ZNF280C: variants seen among roughly 807,000 people sequenced by gnomAD.
The protein encoded by ZNF280C is suppressor of hairy wing homolog 3.
Under a neutral mutation model 53.6 loss-of-function variants are expected in ZNF280C, and 14 were observed. The ratio of observed to expected loss-of-function variants is 0.26; its 90% confidence interval spans 0.17 to 0.41. ZNF280C has a LOEUF of 0.41. Ranked by LOEUF, ZNF280C falls within the 10% of genes least tolerant of loss-of-function variation. ZNF280C has a pLI of 1.00. For missense variants in ZNF280C, 416 were observed against 547.1 expected (o/e 0.76, Z 2.39); for synonymous variants, 203 against 181.1 (o/e 1.12, Z -0.97).
intron 2 of ZNF280C, among the ~76,000 whole-genome samples, chrX:130,258,423 C>A (rs1368734551): frequency 8.9e-6 from 1 of 111,774 alleles, no homozygotes; most frequent in East Asian, 2.8e-4. Flanking sequence ...AACCTCTTAA[C>A]AAATTGGTTC....
At chrX:130,209,990 G>A (rs1014985269) in intron 15 of ZNF280C, among the ~76,000 whole-genome samples, 4 of 111,104 alleles carry the variant, frequency 3.6e-5, no homozygotes, top group Non-Finnish European at 7.5e-5. Flanking sequence ...TGAGATTAGT[G>A]CACTTATAAA....
At chrX:130,264,047 G>GA (rs1377515304) in intron 1 of ZNF280C, among the ~76,000 whole-genome samples, 183 of 94,790 alleles carry the variant, frequency 1.9e-3, no homozygotes, top group African/African-American at 6.4e-3. Context: ...AAAAAGAAAA[G>GA]AAAGAAAGAA....
chrX:130,253,641 A>G (rs1354791687), intron 2 of ZNF280C, among the ~76,000 whole-genome samples: 1 of 112,105 alleles, frequency 8.9e-6, no homozygotes, highest in Admixed American at 9.5e-5. Context: ...GACAAAGCTG[A>G]CAAAAACACA....
chrX:130,214,905 C>G (rs751236009), intron 15 of ZNF280C, among the ~76,000 whole-genome samples: 21 of 111,418 alleles, frequency 1.9e-4, no homozygotes, highest in African/African-American at 6.8e-4. Flanking sequence ...TAAAAAATAA[C>G]CACTTTTTGA....
intron 3 of ZNF280C, among the ~76,000 whole-genome samples, chrX:130,244,886 C>T (rs184021431): frequency 4.1e-4 from 45 of 109,854 alleles, no homozygotes; most frequent in African/African-American, 1.5e-3. Context: ...CATAGAAATG[C>T]AGTACTCTAT....
chrX:130,242,725 A>G (rs1219556510), intron 5 of ZNF280C, among the ~76,000 whole-genome samples: 1 of 111,734 alleles, frequency 8.9e-6, no homozygotes, highest in Non-Finnish European at 1.9e-5. Flanking sequence ...TATTTTTAGT[A>G]GAGACGGGGT....
intron 1 of ZNF280C, 147 bp downstream of exon 1, chrX:130,268,615 C>G (rs911725066): frequency 2.7e-5 from 3 of 112,128 alleles, no homozygotes; most frequent in African/African-American, 9.7e-5. Flanking sequence ...AGCCTGTCCC[C>G]TCCCCCGCAC....
chrX:130,265,623 G>A (rs765471651), intron 1 of ZNF280C, among the ~76,000 whole-genome samples: 5 of 111,874 alleles, frequency 4.5e-5, no homozygotes, highest in Non-Finnish European at 9.4e-5. Flanking sequence ...TGGACATAGG[G>A]GCTGACAACC....
intron 2 of ZNF280C, among the ~76,000 whole-genome samples, chrX:130,257,282 A>C (rs2032585630): frequency 9.1e-6 from 1 of 110,322 alleles, no homozygotes; most frequent in African/African-American, 3.3e-5. Context: ...TAAAATGAAA[A>C]TTTTAATTGG....
intron 8 of ZNF280C, among the ~76,000 whole-genome samples, chrX:130,235,938 G>A (rs590390): frequency 0.48 from 53,509 of 110,637 alleles, 9,844 homozygotes; most frequent in African/African-American, 0.67. Flanking sequence ...GAGTGACAAC[G>A]TCCATTTGTC....
Position 130,253,902 on chromosome X carries a change from T to C in ZNF280C, c.31+6517A>G, listed in dbSNP as rs1431224553. Reference sequence around the variant, plus strand: ...AAGGCAATTACAACAAGAGCCAAAATTGACAAATGGGCTCTAATTAAATGA... The same window carrying C: ...AAGGCAATTACAACAAGAGCCAAAACTGACAAATGGGCTCTAATTAAATGA... On this transcript the variant is annotated intron_variant, in intron 2 of 18. Transcript: ENST00000370978. 3.6e-5 allele frequency among the ~76,000 whole-genome samples: 4 copies of C among 111,789 alleles called. No homozygotes were observed. The East Asian group carries it at 1.1e-3, about 31-fold the overall frequency.
chrX:130,242,160 T>C (rs1381678148), intron 5 of ZNF280C, among the ~76,000 whole-genome samples: 1 of 110,186 alleles, frequency 9.1e-6, no homozygotes, highest in Non-Finnish European at 1.9e-5. Context: ...GGAGAATCTC[T>C]TGAACTTGGG....
chrX:130,233,953 C>T (rs566289702), intron 8 of ZNF280C, among the ~76,000 whole-genome samples: 2 of 109,817 alleles, frequency 1.8e-5, no homozygotes, highest in South Asian at 7.7e-4. Flanking sequence ...GAAAAACTTT[C>T]CTAAAATCAC....
chrX:130,238,780 T>A (rs902982698), intron 6 of ZNF280C, among the ~76,000 whole-genome samples: 1 of 111,861 alleles, frequency 8.9e-6, no homozygotes, highest in African/African-American at 3.2e-5. Flanking sequence ...TTGGCATTCA[T>A]ATGACTATAA....
In ZNF280C at chrX:130,202,744, G is replaced by C. The variant is rs1466482224; in HGVS notation, c.*2233C>G. 9.1e-6 allele frequency: 1 copy of C among 109,865 alleles called. No individual in the cohort carries two copies. The highest frequency in any genetic ancestry group is 1.9e-5 in the Non-Finnish European group (1 of 52,788). The allele number at this position is 109,865 out of a possible 1,213,427, so 9.1% of individuals were successfully genotyped here. ...GAAGTTATTTATTAGAAATTTCCAA[G>C]GCACTTTAACAATACAAATTTTATT... On this transcript the variant is annotated 3_prime_UTR_variant, in exon 19 of 19. Coordinates refer to ENST00000370978, the MANE Select transcript of ZNF280C (RefSeq NM_017666.5).
At chrX:130,264,037 A>AAAG (rs2032660445) in intron 1 of ZNF280C, among the ~76,000 whole-genome samples, 1 of 105,064 alleles carries the variant, frequency 9.5e-6, no homozygotes, top group African/African-American at 3.5e-5. Flanking sequence ...AAAAAAAAAA[A>AAAG]AAAAGAAAAG....
chrX:130,260,725 G>C (rs1284107501), intron 1 of ZNF280C, among the ~76,000 whole-genome samples: 1 of 111,679 alleles, frequency 9.0e-6, no homozygotes, highest in Non-Finnish European at 1.9e-5. Context: ...CCCACCTTTT[G>C]AGTTTGATAT....
At chrX:130,244,968 T>C (rs376065707) in intron 3 of ZNF280C, among the ~76,000 whole-genome samples, 7 of 111,003 alleles carry the variant, frequency 6.3e-5, no homozygotes, top group Admixed American at 3.8e-4. Flanking sequence ...CATTCAGAAA[T>C]TCAAGATAAG....
chrX:130,229,032 T>A lies in ZNF280C; in HGVS notation c.1092A>T (p.Thr364=), dbSNP rs780093950. ...TCQHCYRQYP[T]PFQLQCHIES... ...CAATGTGGCACTGCAGTTGGAAGGGTGTGGGATATTGCCGGTAACAGTGCT... is the reference window on the plus strand; with the variant it reads ...CAATGTGGCACTGCAGTTGGAAGGGAGTGGGATATTGCCGGTAACAGTGCT... Residue 364 remains threonine (T), a synonymous_variant, in exon 10 of 19, where the codon ACA becomes ACT. Transcript: ENST00000370978. The A allele has an allele frequency of 5.8e-6, 7 of 1,208,327 alleles. No individual in the cohort carries two copies. Among genetic ancestry groups the A allele is most frequent in the Non-Finnish European group, 7.8e-6 (7 of 893,821 alleles).
Sources: gnomAD v4.1 joint callset for allele counts (sites outside exome capture counted in the v4.1 genomes callset) on GRCh38, gnomAD v4.1.1 for gene constraint, MANE v1.5 for transcripts, NCBI Gene and HGNC (gene_info 2026-07-23, HGNC 2026-07-21) for gene names.